Variants in KIAA2012 observed in about 807,000 individuals in gnomAD.
KIAA2012 encodes the protein uncharacterized protein KIAA2012.
A neutral mutation model predicts 150.6 loss-of-function variants in KIAA2012; 125 were observed. That is an observed-to-expected ratio of 0.83 (90% CI 0.72 to 0.96). The LOEUF is 0.96. Ranked by LOEUF, KIAA2012 falls within the 40% of genes least tolerant of loss-of-function variation. KIAA2012 has a pLI of 0.00. For synonymous variants in KIAA2012, 462 were observed against 504.7 expected (o/e 0.92, Z 1.13); for missense variants, 1,219 against 1,354.9 (o/e 0.90, Z 1.57).
chr2:202,127,945 C>T (rs1439568784), intron 12 of KIAA2012, among the ~76,000 whole-genome samples: 2 of 152,056 alleles, frequency 1.3e-5, no homozygotes, highest in Non-Finnish European at 2.9e-5. Context: ...AACTTTATAC[C>T]CATTAAACAA....
chr2:202,093,642 C>A (rs1409484485), intron 4 of KIAA2012, among the ~76,000 whole-genome samples: 1 of 152,014 alleles, frequency 6.6e-6, no homozygotes, highest in Non-Finnish European at 1.5e-5. Context: ...GATTTAGAGC[C>A]AGAAATGTGT....
At chr2:202,097,704 C>T in intron 5 of KIAA2012, 127 bp downstream of exon 5, 1 of 1,090,068 alleles carries the variant, frequency 9.2e-7, no homozygotes, top group Non-Finnish European at 1.3e-6. Flanking sequence ...TTTCTCCTGC[C>T]TCAGCCTCCT....
intron 15 of KIAA2012, among the ~76,000 whole-genome samples, chr2:202,171,871 A>G (rs866156221): frequency 2.4e-4 from 24 of 99,108 alleles, no homozygotes; most frequent in African/African-American, 2.8e-4. Context: ...TTTTTTGGAG[A>G]CAGAGTCTTA....
chr2:202,109,632 C>T lies in KIAA2012; in HGVS notation c.1494C>T (p.His498=), dbSNP rs1048150420. The T allele has an allele frequency of 6.5e-6, 10 of 1,537,874 alleles. 1 individual carries two copies. Among genetic ancestry groups the T allele is most frequent in the South Asian group, 2.4e-5 (2 of 82,000 alleles). Residue 498 remains histidine (H), a synonymous_variant, in exon 10 of 24, where the codon CAC becomes CAT. Coordinates refer to ENST00000498697, the MANE Select transcript of KIAA2012 (RefSeq NM_001277372.4). ...TTAAAGATGATGATGCCCCACCTCA[C>T]GATGTGGCCCCACCATTGGATCTTC... is the stretch of plus-strand genomic sequence containing the variant. ...LSPQDDDAPP[H]DVAPPLDLLP...
chr2:202,123,008 T>C lies in KIAA2012; in HGVS notation c.1763-2206T>C, dbSNP rs182807603. ...AGTCCCACCAGCACACAGAAAAAAA[T>C]AGATCCCCATGCCATGTGCCTCTCA... On this transcript the variant is annotated intron_variant, in intron 11 of 23. Transcript: ENST00000498697. Among the ~76,000 whole-genome samples the C allele has an allele frequency of 1.7e-3, 257 of 151,994 alleles. 1 individual carries two copies. Among genetic ancestry groups the C allele is most frequent in the Middle Eastern group, 6.8e-3 (2 of 294 alleles).
intron 14 of KIAA2012, among the ~76,000 whole-genome samples, chr2:202,163,035 A>C (rs1260167700): frequency 6.6e-6 from 1 of 151,690 alleles, no homozygotes; most frequent in Non-Finnish European, 1.5e-5. Flanking sequence ...TTGATGGGAC[A>C]TTTAGGCTGT....
chr2:202,200,861 T>C (rs1692506880), intron 22 of KIAA2012, among the ~76,000 whole-genome samples: 1 of 151,810 alleles, frequency 6.6e-6, no homozygotes, highest in African/African-American at 2.4e-5. Flanking sequence ...CATGCACCAC[T>C]ACGCCCGGCT....
chr2:202,113,792 T>G (rs538824496), intron 11 of KIAA2012: 1 of 213,824 alleles, frequency 4.7e-6, no homozygotes, highest in Non-Finnish European at 9.4e-6. Context: ...CCAACCACCC[T>G]GCAGAGGTGG....
chr2:202,092,223 C>A (rs145442549), intron 3 of KIAA2012, among the ~76,000 whole-genome samples: 2 of 152,158 alleles, frequency 1.3e-5, no homozygotes, highest in African/African-American at 4.8e-5. Context: ...CTTGCCAAAG[C>A]CCCTCTTGAA....
intron 4 of KIAA2012, among the ~76,000 whole-genome samples, chr2:202,096,955 C>T (rs181408843): frequency 2.3e-3 from 353 of 152,256 alleles, no homozygotes; most frequent in African/African-American, 8.1e-3. Context: ...AGAGGCTTTT[C>T]CACAAGTAAA....
chr2:202,106,152 ACAGTGTCCAG>A (rs1360867687), intron 9 of KIAA2012: 3 of 1,132,236 alleles, frequency 2.6e-6, no homozygotes, highest in Non-Finnish European at 3.7e-6. Context: ...TAATATTTTA[ACAGTGTCCAG>A]CTCACCAGTT....
At chr2:202,096,275 G>C (rs1689882394) in intron 4 of KIAA2012, among the ~76,000 whole-genome samples, 1 of 152,192 alleles carries the variant, frequency 6.6e-6, no homozygotes, top group Non-Finnish European at 1.5e-5. Context: ...GCTGCACTCT[G>C]TATGGAGTTG....
intron 13 of KIAA2012, among the ~76,000 whole-genome samples, chr2:202,141,197 G>C (rs933934210): frequency 6.6e-6 from 1 of 152,114 alleles, no homozygotes; most frequent in Non-Finnish European, 1.5e-5. Flanking sequence ...AGCTGCAGTG[G>C]GAGCAGAAAC....
intron 18 of KIAA2012, among the ~76,000 whole-genome samples, chr2:202,189,740 G>A (rs1692293085): frequency 6.6e-6 from 1 of 152,176 alleles, no homozygotes; most frequent in South Asian, 2.1e-4. Context: ...CAGATTCTGG[G>A]GCTGGGGCTT....
chr2:202,175,245 G>A (rs769162575), intron 15 of KIAA2012, among the ~76,000 whole-genome samples: 3 of 152,104 alleles, frequency 2.0e-5, no homozygotes, highest in African/African-American at 4.8e-5. Flanking sequence ...TAACACTTGG[G>A]TCTAGAAACT....
chr2:202,075,863 C>G (rs991427562), intron 2 of KIAA2012, among the ~76,000 whole-genome samples: 2 of 152,236 alleles, frequency 1.3e-5, no homozygotes, highest in Admixed American at 6.5e-5. Context: ...TGTTTACTGA[C>G]TTTTCATTCC....
intron 11 of KIAA2012, among the ~76,000 whole-genome samples, chr2:202,119,322 T>C (rs1690604875): frequency 1.3e-5 from 2 of 152,224 alleles, no homozygotes; most frequent in Admixed American, 1.3e-4. Context: ...TAGCTATTCA[T>C]TTTTTGAAGA....
chr2:202,199,834 C>G (rs1431558098), intron 22 of KIAA2012, among the ~76,000 whole-genome samples: 1 of 151,366 alleles, frequency 6.6e-6, no homozygotes, highest in African/African-American at 2.4e-5. Context: ...AAATGGTAAC[C>G]AATTTTTGAT....
At chr2:202,192,886 G>A (rs894738667) in intron 19 of KIAA2012, among the ~76,000 whole-genome samples, 5 of 152,148 alleles carry the variant, frequency 3.3e-5, no homozygotes, top group Non-Finnish European at 7.3e-5. Context: ...AAAATGCTGG[G>A]ATTACAGGCA....
Sources: gnomAD v4.1 joint callset for allele counts (sites outside exome capture counted in the v4.1 genomes callset) on GRCh38, gnomAD v4.1.1 for gene constraint, MANE v1.5 for transcripts, NCBI Gene and HGNC (gene_info 2026-07-23, HGNC 2026-07-21) for gene names.